SLC39A3: variants seen among roughly 807,000 people sequenced by gnomAD.
SLC39A3 encodes solute carrier family 39 member 3.
Under a neutral mutation model 5.1 loss-of-function variants are expected in SLC39A3, and 3 were observed. The ratio of observed to expected loss-of-function variants is 0.59; its 90% CI spans 0.27 to 1.54. SLC39A3 has a LOEUF of 1.54. Among genes scored for constraint, SLC39A3 ranks in the 40% most tolerant of loss-of-function variants. The pLI is 0.12. For missense variants in SLC39A3, 412 were observed against 436.4 expected, an observed-to-expected ratio of 0.94 and a Z score of 0.50; for synonymous variants, 250 against 218.8, an observed-to-expected ratio of 1.14 and a Z score of -1.26.
At position 2,735,802 on chromosome 19, in the gene SLC39A3, G is replaced by A. The variant is rs887598398; in HGVS notation, c.210+1246C>T. 9.1e-6 allele frequency: 9 copies of A among 984,228 alleles called. No homozygotes were observed. In the South Asian group the frequency reaches 3.8e-4, roughly 41 times the overall value. The allele number at this position is 984,228 out of a possible 1,614,324, so 61.0% of individuals were successfully genotyped here. ...GTGCGGAGCAGGGGCTGGAAGCTCAGGGAGCCACCCTGGAACTCTACTCTG... is the reference window on the plus strand; with the variant it reads ...GTGCGGAGCAGGGGCTGGAAGCTCAAGGAGCCACCCTGGAACTCTACTCTG... On this transcript the variant is annotated intron_variant, in intron 2 of 2. Coordinates refer to ENST00000269740, the MANE Select transcript of SLC39A3 (RefSeq NM_144564.5). The surrounding 1 kb of genome is among the most constrained non-coding windows in gnomAD (Gnocchi z 5.7).
Position 2,737,126 on chromosome 19 carries a change from G to C in SLC39A3, c.132C>G (p.Leu44=), listed in dbSNP as rs778840756. The C allele has an allele frequency of 3.1e-6, 5 of 1,614,214 alleles. No homozygotes were observed. The highest frequency in any genetic ancestry group is 3.3e-5 in the Admixed American group (2 of 60,030). Reference sequence around the variant, plus strand: ...CTCCTCCAAAGGTGTTGCAGAGAGAGAGGATCTTTTTCGAGCGATGGGCCT... The same window carrying C: ...CTCCTCCAAAGGTGTTGCAGAGAGACAGGATCTTTTTCGAGCGATGGGCCT... ...FEKAHRSKKI[L]SLCNTFGGGV... Residue 44 remains leucine, a synonymous_variant, in exon 2 of 3, where the codon CTC becomes CTG. Coordinates refer to ENST00000269740, the MANE Select transcript of SLC39A3 (RefSeq NM_144564.5).
chr19:2,734,768 G>C lies in SLC39A3; in HGVS notation c.211-1283C>G. On this transcript the variant is annotated intron_variant, in intron 2 of 2. Transcript: ENST00000269740. This position sits in a 1 kb window ranked among gnomAD's most constrained non-coding sequence, Gnocchi z 4.6. ...GGGTGAGCCTCTGCTGCAGCAGAAG[G>C]CTGTGTTTCCACGGAGAAGCCACTT... is the stretch of plus-strand genomic sequence containing the variant. The C allele has an allele frequency of 1.0e-6, 1 of 985,472 alleles. No individual in the cohort carries two copies. Among genetic ancestry groups the C allele is most frequent in the Middle Eastern group, 5.2e-4 (1 of 1,914 alleles). The allele number at this position is 985,472 out of a possible 1,614,324, so 61.0% of individuals were successfully genotyped here. A position where few individuals can be genotyped will look rare whatever the true frequency, so the allele number is the denominator to read the frequency against.
At position 2,732,603 on chromosome 19, in the gene SLC39A3, C is replaced by T. The variant is rs961879626; in HGVS notation, c.*148G>A. 3 of 1,417,450 alleles carry T rather than the reference C, an allele frequency of 2.1e-6. No individual in the cohort carries two copies. The highest frequency in any genetic ancestry group is 2.9e-5 in the African/African-American group (2 of 68,908). 87.8% of individuals were successfully genotyped at this position (1,417,450 alleles called of 1,614,324 possible). ...GGCTCAGGGTGTAGGATCGGGGGCA[C>T]AGCCTGGTCCCGGGAGGCCCCTTGT... On this transcript the variant is annotated 3_prime_UTR_variant, in exon 3 of 3. Coordinates refer to ENST00000269740, the MANE Select transcript of SLC39A3 (RefSeq NM_144564.5).
intron 2 of SLC39A3, chr19:2,736,772 C>G: frequency 1.4e-6 from 2 of 1,440,506 alleles, no homozygotes; most frequent in Non-Finnish European, 1.8e-6. Context: ...CAGAGTGTGC[C>G]CTACCTAGGT....
At chr19:2,737,513 T>G in intron 1 of SLC39A3, 134 bp from the exon 2 acceptor site, 2 of 518,906 alleles carry the variant, frequency 3.9e-6, no homozygotes, top group South Asian at 2.6e-5. Flanking sequence ...CTTCCTGGAT[T>G]CAAGCAATTC....
At position 2,733,674 on chromosome 19, in the gene SLC39A3, G is replaced by T. The variant is rs1179110988; in HGVS notation, c.211-189C>A. ...CCACCACCACCAGCCAAGCGCGGTG[G>T]CTCATGCCTGTGACCCCAGCATTTT... On this transcript the variant is annotated intron_variant, in intron 2 of 2. Coordinates refer to ENST00000269740, the MANE Select transcript of SLC39A3 (RefSeq NM_144564.5). This position sits in a 1 kb window ranked among gnomAD's most constrained non-coding sequence, Gnocchi z 6.1. Among the ~76,000 whole-genome samples the T allele has an allele frequency of 6.6e-6, 1 of 152,214 alleles. No individual in the cohort carries two copies. The highest frequency in any genetic ancestry group is 2.4e-5 in the African/African-American group (1 of 41,446).
Position 2,735,086 on chromosome 19 carries a change from G to A in SLC39A3, c.211-1601C>T, listed in dbSNP as rs1264898322. 20 of 985,286 alleles carry A rather than the reference G, an allele frequency of 2.0e-5. No homozygotes were observed. Among genetic ancestry groups the A allele is most frequent in the Non-Finnish European group, 2.4e-5 (20 of 829,972 alleles). The allele number at this position is 985,286 out of a possible 1,614,324, so 61.0% of individuals were successfully genotyped here. A position where few individuals can be genotyped will look rare whatever the true frequency, so the allele number is the denominator to read the frequency against. ...GAAGGCCACTGTGATGAGGGGGAGG[G>A]AAGAGCAAGCTCCCCGCAGTCGCCC... On this transcript the variant is annotated intron_variant, in intron 2 of 2. Coordinates refer to ENST00000269740, the MANE Select transcript of SLC39A3 (RefSeq NM_144564.5). The surrounding 1 kb of genome is among the most constrained non-coding windows in gnomAD (Gnocchi z 5.7).
Position 2,734,748 on chromosome 19 carries a change from A to C in SLC39A3, c.211-1263T>G. ...CCCTGGGGGCAGTTCACGCTGGGTG[A>C]GCCTCTGCTGCAGCAGAAGGCTGTG... is the stretch of plus-strand genomic sequence containing the variant. On this transcript the variant is annotated intron_variant, in intron 2 of 2. Transcript: ENST00000269740. The surrounding 1 kb of genome is among the most constrained non-coding windows in gnomAD (Gnocchi z 4.6). The C allele has an allele frequency of 1.0e-6, 1 of 985,436 alleles. No homozygotes were observed. Among genetic ancestry groups the C allele is most frequent in the Non-Finnish European group, 1.2e-6 (1 of 829,940 alleles). The allele number at this position is 985,436 out of a possible 1,614,324, so 61.0% of individuals were successfully genotyped here. A position where few individuals can be genotyped will look rare whatever the true frequency, so the allele number is the denominator to read the frequency against.
At chr19:2,738,982 C>T (rs916933245) in intron 1 of SLC39A3, among the ~76,000 whole-genome samples, 1 of 151,228 alleles carries the variant, frequency 6.6e-6, no homozygotes, top group Non-Finnish European at 1.5e-5. Flanking sequence ...TGCCTGTAAT[C>T]CCAGTTACTC....
rs143950470 is a variant in SLC39A3, at chr19:2,732,665, T to TGGGGGACGCGCGGCC, written c.*71_*85dup. On this transcript the variant is annotated 3_prime_UTR_variant, in exon 3 of 3. Coordinates refer to ENST00000269740, the MANE Select transcript of SLC39A3 (RefSeq NM_144564.5). Reference sequence around the variant, plus strand: ...GGCCCAGGGCCACAGTGCTCGCTCTTGGGGGACGCGCGGCCGGGGGACGCG... The same window carrying TGGGGGACGCGCGGCC: ...GGCCCAGGGCCACAGTGCTCGCTCTTGGGGGACGCGCGGCCGGGGGACGCGCGGCCGGGGGACGCG... 12 of 1,432,206 alleles carry TGGGGGACGCGCGGCC rather than the reference T, an allele frequency of 8.4e-6. No homozygotes were observed. The highest frequency in any genetic ancestry group is 6.0e-5 in the Admixed American group (2 of 33,462). The allele number at this position is 1,432,206 out of a possible 1,614,324, so 88.7% of individuals were successfully genotyped here. A position where few individuals can be genotyped will look rare whatever the true frequency, so the allele number is the denominator to read the frequency against.
At position 2,735,231 on chromosome 19, in the gene SLC39A3, G is replaced by T; in HGVS notation, c.211-1746C>A. On this transcript the variant is annotated intron_variant, in intron 2 of 2. Transcript: ENST00000269740. The surrounding 1 kb of genome is among the most constrained non-coding windows in gnomAD (Gnocchi z 5.7). ...TGACCAAGATCTCCATCCTCGCAGT[G>T]CAGATGTCAGTCTTCACACACCGCG... The T allele has an allele frequency of 1.0e-6, 1 of 985,282 alleles. No individual in the cohort carries two copies. The highest frequency in any genetic ancestry group is 1.2e-6 in the Non-Finnish European group (1 of 829,758). 61.0% of individuals were successfully genotyped at this position (985,282 alleles called of 1,614,324 possible).
chr19:2,738,418 C>T (rs2144701330), intron 1 of SLC39A3, among the ~76,000 whole-genome samples: 1 of 152,158 alleles, frequency 6.6e-6, no homozygotes, highest in African/African-American at 2.4e-5. Flanking sequence ...AACTCTGTAC[C>T]CTGAGGCTGA....
Position 2,735,121 on chromosome 19 carries a change from G to A in SLC39A3, c.211-1636C>T. ...CTCCCCGCAGTCGCCCAGGCCTGCAGTCAGAGGGTGACGGGGGTGACACCA... is the reference window on the plus strand; with the variant it reads ...CTCCCCGCAGTCGCCCAGGCCTGCAATCAGAGGGTGACGGGGGTGACACCA... On this transcript the variant is annotated intron_variant, in intron 2 of 2. Transcript: ENST00000269740. This position sits in a 1 kb window ranked among gnomAD's most constrained non-coding sequence, Gnocchi z 5.7. 1 of 985,418 alleles carries A rather than the reference G, an allele frequency of 1.0e-6. No homozygotes were observed. Among genetic ancestry groups the A allele is most frequent in the Non-Finnish European group, 1.2e-6 (1 of 829,934 alleles). 61.0% of individuals were successfully genotyped at this position (985,418 alleles called of 1,614,324 possible). A position where few individuals can be genotyped will look rare whatever the true frequency, so the allele number is the denominator to read the frequency against.
Position 2,734,658 on chromosome 19 carries a change from C to T in SLC39A3, c.211-1173G>A, listed in dbSNP as rs556811709. 5.8e-6 allele frequency: 5 copies of T among 858,386 alleles called. No homozygotes were observed. In the South Asian group the frequency reaches 2.7e-4, roughly 46 times the overall value. The allele number at this position is 858,386 out of a possible 1,614,324, so 53.2% of individuals were successfully genotyped here. A position where few individuals can be genotyped will look rare whatever the true frequency, so the allele number is the denominator to read the frequency against. The stretch of plus-strand genomic sequence containing the variant: ...GCTGAGCAGTGTCTCTGGCCTCCAC[C>T]CACTCCAGGCCAGGAGCACCCCCCA... On this transcript the variant is annotated intron_variant, in intron 2 of 2. Transcript: ENST00000269740. This position sits in a 1 kb window ranked among gnomAD's most constrained non-coding sequence, Gnocchi z 4.6.
rs1421491499 is a variant in SLC39A3 at position 2,736,898 on chromosome 19, T to G, written c.210+150A>C. The G allele has an allele frequency of 7.2e-6, 11 of 1,525,910 alleles. No individual in the cohort carries two copies. The South Asian group carries it at 1.2e-4, about 17-fold the overall frequency. 94.5% of individuals were successfully genotyped at this position (1,525,910 alleles called of 1,614,324 possible). On this transcript the variant is annotated intron_variant, in intron 2 of 2. Coordinates refer to ENST00000269740, the MANE Select transcript of SLC39A3 (RefSeq NM_144564.5). The stretch of plus-strand genomic sequence containing the variant: ...AGCACAGAGACAGAAAGTAACCAGT[T>G]CACAATCACACAGCAAATTCACTTC...
intron 2 of SLC39A3, chr19:2,736,266 A>C: frequency 5.6e-6 from 5 of 895,846 alleles, no homozygotes; most frequent in Non-Finnish European, 6.7e-6. Flanking sequence ...TGAGTATGGG[A>C]AGGACTTGAA....
chr19:2,737,210 G>C lies in SLC39A3; in HGVS notation c.48C>G (p.Phe16Leu). The change falls in exon 2 of 3, where the codon TTC (phenylalanine) becomes TTG (leucine). Residue 16 changes from phenylalanine (F) to leucine (L), a missense_variant. Physicochemically the swap from Phe to Leu is conservative, Grantham distance 22. Coordinates refer to ENST00000269740, the MANE Select transcript of SLC39A3 (RefSeq NM_144564.5). ...GCAGGGAGCCGAGCAGCATGAAGAA[G>C]AACACGCCCACCATGCACAGGATTT... ...VAKILCMVGVFFFMLLGSLLP... is the reference protein window; with the variant it reads ...VAKILCMVGVLFFMLLGSLLP... 6.2e-7 allele frequency: 1 copy of C among 1,614,090 alleles called. No homozygotes were observed. The highest frequency in any genetic ancestry group is 8.5e-7 in the Non-Finnish European group (1 of 1,180,020).
chr19:2,734,011 C>T lies in SLC39A3; in HGVS notation c.211-526G>A, dbSNP rs563100088. ...CGGGGCCTCCTCTCTGCTTCCCTGACCGACATGCCTGGGCCCGACTCTCCT... is the reference window on the plus strand; with the variant it reads ...CGGGGCCTCCTCTCTGCTTCCCTGATCGACATGCCTGGGCCCGACTCTCCT... On this transcript the variant is annotated intron_variant, in intron 2 of 2. Transcript: ENST00000269740. This position sits in a 1 kb window ranked among gnomAD's most constrained non-coding sequence, Gnocchi z 4.6. Among the ~76,000 whole-genome samples the T allele has an allele frequency of 6.6e-6, 1 of 152,182 alleles. No individual in the cohort carries two copies. The highest frequency in any genetic ancestry group is 2.1e-4 in the South Asian group (1 of 4,836).
Position 2,734,533 on chromosome 19 carries a change from A to T in SLC39A3, c.211-1048T>A, listed in dbSNP as rs924471399. ...CGTGTGGACACCTGGCAATGTCTGG[A>T]AACATTTTTTATTTTCACAACTCGG... On this transcript the variant is annotated intron_variant, in intron 2 of 2. Coordinates refer to ENST00000269740, the MANE Select transcript of SLC39A3 (RefSeq NM_144564.5). The surrounding 1 kb of genome is among the most constrained non-coding windows in gnomAD (Gnocchi z 4.6). The T allele has an allele frequency of 6.0e-6, 1 of 165,386 alleles. No individual in the cohort carries two copies. The highest frequency in any genetic ancestry group is 2.4e-5 in the African/African-American group (1 of 41,696). The allele number at this position is 165,386 out of a possible 1,614,324, so 10.2% of individuals were successfully genotyped here.
Sources: allele counts gnomAD v4.1 joint callset (sites outside exome capture counted in the v4.1 genomes callset), GRCh38; gene constraint gnomAD v4.1.1; non-coding constraint Gnocchi (gnomAD v3.1); transcripts MANE v1.5; gene names NCBI Gene and HGNC (gene_info 2026-07-23, HGNC 2026-07-21).